FCHSD2: variants seen among roughly 807,000 people sequenced by gnomAD.
The protein encoded by FCHSD2 is F-BAR and double SH3 domains protein 2.
Under a neutral mutation model 108.1 loss-of-function variants are expected in FCHSD2, and 38 were observed. That is an observed-to-expected ratio of 0.35 (90% CI 0.27 to 0.46). The LOEUF is 0.46. Ranked by LOEUF, FCHSD2 falls within the 20% of genes least tolerant of loss-of-function variation. The pLI is 1.00. For synonymous variants in FCHSD2, 279 were observed against 314.7 expected (o/e 0.89, Z 1.20); for missense variants, 751 against 897.8 (o/e 0.84, Z 2.09).
chr11:72,870,640 C>T (rs1854833113), intron 12 of FCHSD2, among the ~76,000 whole-genome samples: 1 of 150,820 alleles, frequency 6.6e-6, no homozygotes, highest in African/African-American at 2.4e-5. Flanking sequence ...GTGGCTCACG[C>T]CTGTAATCCC....
At chr11:73,136,418 C>T (rs921998711) in intron 2 of FCHSD2, among the ~76,000 whole-genome samples, 7 of 151,774 alleles carry the variant, frequency 4.6e-5, no homozygotes, top group Admixed American at 6.6e-5. Context: ...AAATTAGCCG[C>T]GCACCTGGAG....
At chr11:73,100,449 C>A (rs1490225918) in intron 2 of FCHSD2, among the ~76,000 whole-genome samples, 1 of 152,094 alleles carries the variant, frequency 6.6e-6, no homozygotes, top group African/African-American at 2.4e-5. Flanking sequence ...CCGCAACCTC[C>A]ACCTCCTGGG....
At chr11:72,947,638 A>G (rs1357274688) in intron 8 of FCHSD2, among the ~76,000 whole-genome samples, 3 of 152,224 alleles carry the variant, frequency 2.0e-5, no homozygotes, top group Non-Finnish European at 4.4e-5. Flanking sequence ...CCTCCAGCAC[A>G]TTCTGTTGGA....
At chr11:72,910,419 T>C (rs1022762900) in intron 9 of FCHSD2, among the ~76,000 whole-genome samples, 1 of 152,090 alleles carries the variant, frequency 6.6e-6, no homozygotes, top group African/African-American at 2.4e-5. Flanking sequence ...AGAGATCAGA[T>C]TGTTACTGTG....
chr11:72,925,439 CTGTT>C (rs1415828493), intron 8 of FCHSD2, among the ~76,000 whole-genome samples: 3 of 152,234 alleles, frequency 2.0e-5, no homozygotes, highest in Non-Finnish European at 2.9e-5. Flanking sequence ...GGCAGGAAGA[CTGTT>C]TGAGCCCAGG....
chr11:73,122,438 T>G (rs2135560010), intron 2 of FCHSD2, among the ~76,000 whole-genome samples: 1 of 152,286 alleles, frequency 6.6e-6, no homozygotes, highest in South Asian at 2.1e-4. Flanking sequence ...AGTGGCAGAC[T>G]GCACTATCCT....
chr11:72,859,876 G>A (rs981265307), intron 13 of FCHSD2, among the ~76,000 whole-genome samples: 5 of 152,116 alleles, frequency 3.3e-5, no homozygotes, highest in African/African-American at 1.2e-4. Flanking sequence ...AAGGCACAGG[G>A]CACCCAGTAG....
chr11:73,137,541 C>T (rs144799677), intron 2 of FCHSD2, among the ~76,000 whole-genome samples: 4 of 152,238 alleles, frequency 2.6e-5, no homozygotes, highest in East Asian at 1.9e-4. Context: ...CAGTTACATT[C>T]GACAACAAGG....
intron 3 of FCHSD2, among the ~76,000 whole-genome samples, chr11:73,047,807 T>A (rs1858802968): frequency 6.6e-6 from 1 of 152,232 alleles, no homozygotes; most frequent in African/African-American, 2.4e-5. Context: ...CCTCAGAATT[T>A]ACTCAGTAAA....
intron 5 of FCHSD2, among the ~76,000 whole-genome samples, chr11:72,997,893 A>T (rs1857550678): frequency 1.3e-5 from 2 of 152,040 alleles, no homozygotes; most frequent in South Asian, 4.1e-4. Context: ...TAGAGACGGG[A>T]TTTCACCATG....
chr11:72,897,226 C>T (rs540495878), intron 10 of FCHSD2, among the ~76,000 whole-genome samples: 50 of 151,058 alleles, frequency 3.3e-4, no homozygotes, highest in Non-Finnish European at 5.7e-4. Flanking sequence ...ATTTAATTTT[C>T]AAACAAATAA....
At chr11:72,936,887 C>T (rs1856313946) in intron 8 of FCHSD2, among the ~76,000 whole-genome samples, 1 of 152,092 alleles carries the variant, frequency 6.6e-6, no homozygotes, top group Non-Finnish European at 1.5e-5. Flanking sequence ...TAAAAATAGG[C>T]GATTTAAAAT....
chr11:72,879,873 C>A (rs541288968), intron 12 of FCHSD2, among the ~76,000 whole-genome samples: 22 of 151,938 alleles, frequency 1.4e-4, no homozygotes, highest in Non-Finnish European at 2.9e-4. Flanking sequence ...GTGGCTCATG[C>A]CTGTAATCCC....
intron 2 of FCHSD2, among the ~76,000 whole-genome samples, chr11:73,084,849 A>T (rs1591541038): frequency 6.6e-6 from 1 of 152,162 alleles, no homozygotes; most frequent in East Asian, 1.9e-4. Flanking sequence ...ACTACTGACA[A>T]TTTACCTTGA....
At chr11:73,105,317 G>A (rs2135537296) in intron 2 of FCHSD2, among the ~76,000 whole-genome samples, 1 of 152,216 alleles carries the variant, frequency 6.6e-6, no homozygotes. Flanking sequence ...AATGAAACAG[G>A]ATAATAATCA....
intron 3 of FCHSD2, among the ~76,000 whole-genome samples, chr11:73,048,469 T>C (rs1474977636): frequency 6.6e-6 from 1 of 152,128 alleles, no homozygotes; most frequent in African/African-American, 2.4e-5. Flanking sequence ...AAAGTGGAAA[T>C]GGATTAAAAC....
At chr11:72,869,095 CG>C (rs1255033138) in intron 12 of FCHSD2, among the ~76,000 whole-genome samples, 1 of 151,800 alleles carries the variant, frequency 6.6e-6, no homozygotes, top group Non-Finnish European at 1.5e-5. Context: ...TTAGTAGAGG[CG>C]GGGTTTTGCC....
At chr11:72,914,512 A>C (rs180829310) in intron 9 of FCHSD2, among the ~76,000 whole-genome samples, 58 of 152,318 alleles carry the variant, frequency 3.8e-4, no homozygotes, top group Non-Finnish European at 6.0e-4. Context: ...CACAGCAACC[A>C]AACAGCATGG....
Position 72,843,237 on chromosome 11 carries a change from A to G in FCHSD2, c.1619T>C (p.Leu540Pro), listed in dbSNP as rs918639119. ...SNSLLSMLQS[L>P]AALDSRSHTS... The stretch of plus-strand genomic sequence containing the variant: ...GTGTGACCGACTGTCCAAAGCGGCC[A>G]GGGACTGCAGCATGCTCAGGAGGCT... Residue 540 changes from leucine (L) to proline (P), a missense_variant, in exon 16 of 20, where the codon CTG (leucine) becomes CCG (proline). Leu to Pro is a moderately conservative substitution (Grantham distance 98). Coordinates refer to ENST00000409418, the MANE Select transcript of FCHSD2 (RefSeq NM_014824.3). The G allele has an allele frequency of 6.2e-7, 1 of 1,614,042 alleles. No homozygotes were observed. The highest frequency in any genetic ancestry group is 8.5e-7 in the Non-Finnish European group (1 of 1,179,896).
Sources: gnomAD v4.1 joint callset for allele counts (sites outside exome capture counted in the v4.1 genomes callset) on GRCh38, gnomAD v4.1.1 for gene constraint, MANE v1.5 for transcripts, NCBI Gene and HGNC (gene_info 2026-07-23, HGNC 2026-07-21) for gene names.